Variants in RTEL1 observed in about 807,000 individuals in gnomAD.
RTEL1 encodes regulator of telomere length.
A neutral mutation model predicts 162.2 loss-of-function variants in RTEL1; 86 were observed. The observed-to-expected ratio is 0.53, with a 90% CI of 0.45 to 0.63. RTEL1 has a LOEUF of 0.63. RTEL1 is among the 30% of genes least tolerant of loss of function. The probability of loss-of-function intolerance (pLI) is 0.00; values close to 1 mark genes in which losing one functional copy is unlikely to be tolerated. For synonymous variants in RTEL1, 958 were observed against 717.9 expected (o/e 1.33, Z -5.35); for missense variants, 1,941 against 1,750.2 (o/e 1.11, Z -1.95).
chr20:63,691,707 G>T lies in RTEL1; in HGVS notation c.2557-35G>T, dbSNP rs765828540. 4 of 1,573,650 alleles carry T rather than the reference G, an allele frequency of 2.5e-6. No homozygotes were observed. The South Asian group carries it at 4.4e-5, about 17-fold the overall frequency. ...TTGGGACCCCAGAGTGTGTGGTTGGGGTCTGTGTGTGGTTGTGAGCTGTGT... is the reference window on the plus strand; with the variant it reads ...TTGGGACCCCAGAGTGTGTGGTTGGTGTCTGTGTGTGGTTGTGAGCTGTGT... On this transcript the variant is annotated intron_variant, in intron 27 of 34. Coordinates refer to ENST00000360203, the MANE Select transcript of RTEL1 (RefSeq NM_001283009.2).
At chr20:63,674,482 A>G (rs1021157245) in intron 10 of RTEL1, among the ~76,000 whole-genome samples, 8 of 152,246 alleles carry the variant, frequency 5.3e-5, no homozygotes, top group South Asian at 2.1e-4. Context: ...CTGAGTTGGG[A>G]GCATCGCTTG....
chr20:63,661,343 C>T lies in RTEL1; in HGVS notation c.148C>T (p.Leu50=). 2 of 1,613,186 alleles carry T rather than the reference C, an allele frequency of 1.2e-6. No homozygotes were observed. Among genetic ancestry groups the T allele is most frequent in the Non-Finnish European group, 1.7e-6 (2 of 1,180,034 alleles). The change falls in exon 3 of 35, where the codon CTG becomes TTG. Residue 50 remains leucine, a synonymous_variant. Transcript: ENST00000360203. The surrounding 1 kb of genome is among the most constrained non-coding windows in gnomAD (Gnocchi z 5.1). ...GAGCCCTACGGGTACAGGGAAGACGCTGTGCCTGCTGTGCACCACGCTGGC... is the reference window on the plus strand; with the variant it reads ...GAGCCCTACGGGTACAGGGAAGACGTTGTGCCTGCTGTGCACCACGCTGGC... The part of the protein sequence containing the change: ...LESPTGTGKT[L]CLLCTTLAWR...
At chr20:63,682,074 G>C in intron 14 of RTEL1, 1 of 985,462 alleles carries the variant, frequency 1.0e-6, no homozygotes, top group Non-Finnish European at 1.2e-6. Context: ...TGGAGGGCAG[G>C]TGTGAGCTGG....
intron 4 of RTEL1, among the ~76,000 whole-genome samples, 165 bp downstream of exon 4, chr20:63,662,108 G>A (rs2090032292): frequency 6.6e-6 from 1 of 152,156 alleles, no homozygotes; most frequent in Non-Finnish European, 1.5e-5. Context: ...GGTGCGGCCT[G>A]GGCTGCCTCC....
Position 63,687,694 on chromosome 20 carries a change from C to A in RTEL1, c.1405C>A (p.Arg469Ser), listed in dbSNP as rs369940581. ...CGGCCACAGCATGCACGAGCTGGTC[C>A]GCCAGGGCGTCCGCTCCCTCATCCT... ...SPGHSMHELVRQGVRSLILTS... is the reference protein window; with the variant it reads ...SPGHSMHELVSQGVRSLILTS... The change falls in exon 17 of 35, where the codon CGC (arginine) becomes AGC (serine). Residue 469 changes from arginine (R) to serine (S), a missense_variant. Coordinates refer to ENST00000360203, the MANE Select transcript of RTEL1 (RefSeq NM_001283009.2). 6 of 1,607,710 alleles carry A rather than the reference C, an allele frequency of 3.7e-6. No homozygotes were observed. The South Asian group carries it at 6.6e-5, about 18-fold the overall frequency.
intron 28 of RTEL1, chr20:63,692,083 A>C: frequency 2.1e-6 from 1 of 482,314 alleles, no homozygotes; most frequent in Admixed American, 3.5e-5. Flanking sequence ...GGCCTGCAGC[A>C]CTGGGCTTGG....
rs1396455354 is a variant in RTEL1 at position 63,690,962 on chromosome 20, C to A, written c.2556+15C>A. The A allele has an allele frequency of 6.5e-7, 1 of 1,544,394 alleles. No homozygotes were observed. ...GCGAGGAGCAGGTACAGTTCCAGGGCCTTGGGATGGACACAGACCCTCTGT... is the reference window on the plus strand; with the variant it reads ...GCGAGGAGCAGGTACAGTTCCAGGGACTTGGGATGGACACAGACCCTCTGT... On this transcript the variant is annotated intron_variant, in intron 27 of 34. Coordinates refer to ENST00000360203, the MANE Select transcript of RTEL1 (RefSeq NM_001283009.2).
At position 63,668,235 on chromosome 20, in the gene RTEL1, G is replaced by A. The variant is rs1360625092; in HGVS notation, c.699+682G>A. On this transcript the variant is annotated intron_variant, in intron 8 of 34. Transcript: ENST00000360203. This position sits in a 1 kb window ranked among gnomAD's most constrained non-coding sequence, Gnocchi z 4.3. ...GCCCCACACTTTTTACTTAGTGCAG[G>A]TGGGATCACACGCCACGGGTCAATG... 6.6e-6 allele frequency among the ~76,000 whole-genome samples: 1 copy of A among 152,188 alleles called. No individual in the cohort carries two copies.
chr20:63,691,612 GC>G, intron 27 of RTEL1, 129 bp from the exon 28 acceptor site: 1 of 737,212 alleles, frequency 1.4e-6, no homozygotes, highest in Non-Finnish European at 2.3e-6. Context: ...GGTGTGCTGT[GC>G]CCCCCTCCCC....
chr20:63,689,176 C>T, intron 22 of RTEL1, 44 bp downstream of exon 22: 2 of 1,573,960 alleles, frequency 1.3e-6, no homozygotes, highest in Non-Finnish European at 1.7e-6. Flanking sequence ...TTGCCTGTTC[C>T]CTGGTGGGTG....
intron 9 of RTEL1, among the ~76,000 whole-genome samples, chr20:63,673,409 A>G (rs67311561): frequency 0.44 from 67,092 of 151,854 alleles, 15,367 homozygotes; most frequent in Non-Finnish European, 0.49. Context: ...AATAAAATCA[A>G]AAAGAATAAT....
intron 6 of RTEL1, chr20:63,665,134 G>C (rs1225942724): frequency 6.5e-6 from 1 of 153,812 alleles, no homozygotes; most frequent in African/African-American, 2.4e-5. Flanking sequence ...GTATGTGCAC[G>C]TGTGCATATG....
At chr20:63,671,987 G>C (rs564152901) in intron 8 of RTEL1, among the ~76,000 whole-genome samples, 1 of 151,022 alleles carries the variant, frequency 6.6e-6, no homozygotes, top group South Asian at 2.1e-4. Flanking sequence ...AGATGAAAGC[G>C]ATTCTCCTGC....
At chr20:63,692,048 C>T (rs1038236852) in intron 28 of RTEL1, 3 of 535,956 alleles carry the variant, frequency 5.6e-6, no homozygotes, top group African/African-American at 1.9e-5. Context: ...GAATCAGGCC[C>T]CACCCTTGGG....
rs2090192297 is a variant in RTEL1, at chr20:63,668,825, A to T, written c.699+1272A>T. Among the ~76,000 whole-genome samples, 1 of 152,196 alleles carries T rather than the reference A, an allele frequency of 6.6e-6. No homozygotes were observed. Among genetic ancestry groups the T allele is most frequent in the Non-Finnish European group, 1.5e-5 (1 of 68,036 alleles). On this transcript the variant is annotated intron_variant, in intron 8 of 34. Coordinates refer to ENST00000360203, the MANE Select transcript of RTEL1 (RefSeq NM_001283009.2). The surrounding 1 kb of genome is among the most constrained non-coding windows in gnomAD (Gnocchi z 4.3). ...CACGGAAACGCAGAAGATCTAAAAC[A>T]GCAAGATGACCGTGAAGAAGAACAG... is the stretch of plus-strand genomic sequence containing the variant.
chr20:63,688,069 G>A lies in RTEL1; in HGVS notation c.1595+19G>A, dbSNP rs202032186. On this transcript the variant is annotated intron_variant, in intron 18 of 34. Transcript: ENST00000360203. ...ACAGACGGTGAGGGCCTGTCCCTGG[G>A]CCCTGCTGGGGTGGGAGGTGGGGGA... 9.9e-5 allele frequency: 159 copies of A among 1,612,222 alleles called. No homozygotes were observed. In the African/African-American group the frequency reaches 1.9e-3, roughly 19 times the overall value.
rs987288331 is a variant in RTEL1, at chr20:63,688,904, G to C, written c.1801-151G>C. ...CTGAGCAGGCGTGGGGTCAGCCTGG[G>C]ATCCGTGCCAGGAAGAAGCTTCCAG... is the stretch of plus-strand genomic sequence containing the variant. On this transcript the variant is annotated intron_variant, in intron 21 of 34. Transcript: ENST00000360203. 2.6e-5 allele frequency: 20 copies of C among 761,128 alleles called. No individual in the cohort carries two copies. In the African/African-American group the frequency reaches 3.1e-4, roughly 12 times the overall value. The allele number at this position is 761,128 out of a possible 1,614,324, so 47.1% of individuals were successfully genotyped here.
chr20:63,693,851 G>T (rs958526482), intron 30 of RTEL1, among the ~76,000 whole-genome samples: 5 of 146,138 alleles, frequency 3.4e-5, no homozygotes, highest in Admixed American at 2.8e-4. Flanking sequence ...CCTAAGCACA[G>T]CCCTGTCCAA....
intron 21 of RTEL1, 47 bp from the exon 22 acceptor site, chr20:63,689,008 G>C: frequency 1.3e-6 from 2 of 1,537,318 alleles, no homozygotes; most frequent in Admixed American, 3.3e-5. Context: ...GGGGAGGAAG[G>C]GGCTGGGGGG....
Sources: allele counts gnomAD v4.1 joint callset (sites outside exome capture counted in the v4.1 genomes callset), GRCh38; gene constraint gnomAD v4.1.1; non-coding constraint Gnocchi (gnomAD v3.1); transcripts MANE v1.5; gene names NCBI Gene and HGNC (gene_info 2026-07-23, HGNC 2026-07-21).